CCDC14: variants seen among roughly 807,000 people sequenced by gnomAD.
CCDC14 encodes coiled-coil domain containing 14.
Under a neutral mutation model 81.4 loss-of-function variants are expected in CCDC14, and 71 were observed. The ratio of observed to expected loss-of-function variants is 0.87; its 90% confidence interval spans 0.72 to 1.06. The LOEUF (loss-of-function observed/expected upper bound fraction) is 1.06. Among genes scored for constraint, CCDC14 ranks in the 50% least tolerant of loss-of-function variants. The pLI is 0.00. For missense variants in CCDC14, 1,046 were observed against 1,047.3 expected, an observed-to-expected ratio of 1.00 and a Z score of 0.02; for synonymous variants, 332 against 364.8, an observed-to-expected ratio of 0.91 and a Z score of 1.03.
chr3:123,892,466 G>T (rs902921718), downstream of CCDC14, among the ~76,000 whole-genome samples: 4 of 152,294 alleles, frequency 2.6e-5, no homozygotes, highest in African/African-American at 9.6e-5. Flanking sequence ...CTACAGTGAA[G>T]GTCTCTGAAC....
intron 12 of CCDC14, among the ~76,000 whole-genome samples, chr3:123,918,119 C>T (rs1044352717): frequency 6.6e-6 from 1 of 152,054 alleles, no homozygotes; most frequent in Admixed American, 6.6e-5. Flanking sequence ...AGTAGTCACA[C>T]ACATAAACAT....
rs2034544753 is a variant in CCDC14, at chr3:123,914,447, G to A, written c.*332C>T. ...GAGATTCTTTTCCCATTATTTCTTA[G>A]GACAGCCACAGAACTATTTCAACCT... On this transcript the variant is annotated 3_prime_UTR_variant, in exon 13 of 13. Coordinates refer to ENST00000409697, the MANE Select transcript of CCDC14 (RefSeq NM_001366335.1). 1 of 994,594 alleles carries A rather than the reference G, an allele frequency of 1.0e-6. No individual in the cohort carries two copies. Among genetic ancestry groups the A allele is most frequent in the Admixed American group, 6.1e-5 (1 of 16,506 alleles). The allele number at this position is 994,594 out of a possible 1,614,324, so 61.6% of individuals were successfully genotyped here.
chr3:123,941,696 C>A (rs2036358803), intron 9 of CCDC14, among the ~76,000 whole-genome samples: 1 of 151,938 alleles, frequency 6.6e-6, no homozygotes, highest in Non-Finnish European at 1.5e-5. Context: ...TAATCTTTGT[C>A]CTGTAAAGAC....
rs1418571909 is a variant in CCDC14 at position 123,961,088 on chromosome 3, A to C, written c.30+56T>G. ...GAGTTTTACAAGTTCCTGGCCCGAA[A>C]ACCCCCCTGTCCCTCTCCATCCCCA... On this transcript the variant is annotated intron_variant, in intron 1 of 12. Coordinates refer to ENST00000409697, the MANE Select transcript of CCDC14 (RefSeq NM_001366335.1). The C allele has an allele frequency of 5.6e-6, 8 of 1,434,498 alleles. No individual in the cohort carries two copies. The East Asian group carries it at 1.8e-4, about 31-fold the overall frequency. The allele number at this position is 1,434,498 out of a possible 1,614,324, so 88.9% of individuals were successfully genotyped here. A position where few individuals can be genotyped will look rare whatever the true frequency, so the allele number is the denominator to read the frequency against.
At chr3:123,933,129 C>CAAAAAAA (rs60220911) in intron 10 of CCDC14, among the ~76,000 whole-genome samples, 1 of 150,614 alleles carries the variant, frequency 6.6e-6, no homozygotes. Flanking sequence ...AACAAACAAA[C>CAAAAAAA]AAAGCTGACA....
Position 123,949,114 on chromosome 3 carries a change from T to C in CCDC14, c.371A>G (p.Lys124Arg). The change falls in exon 6 of 13, where the codon AAA becomes AGA. Residue 124 changes from lysine to arginine, a missense_variant. Coordinates refer to ENST00000409697, the MANE Select transcript of CCDC14 (RefSeq NM_001366335.1). ...AGCAGAAGCTTCATTAGGTATCTGT[T>C]TCTTATTATCTGAAGATGCTAATGT... Reference protein sequence around the residue: ...QKETSSSDNKKQIPNEASARS... With the variant: ...QKETSSSDNKRQIPNEASARS... 1 of 1,601,368 alleles carries C rather than the reference T, an allele frequency of 6.2e-7. No individual in the cohort carries two copies. The highest frequency in any genetic ancestry group is 1.7e-5 in the Admixed American group (1 of 58,076).
At chr3:123,917,055 G>A (rs1252158418) in intron 12 of CCDC14, among the ~76,000 whole-genome samples, 1 of 151,548 alleles carries the variant, frequency 6.6e-6, no homozygotes, top group Non-Finnish European at 1.5e-5. Context: ...GTGTTAGCCG[G>A]GATGGTCTCG....
Position 123,961,062 on chromosome 3 carries a change from A to T in CCDC14, c.30+82T>A, listed in dbSNP as rs939178900. 8 of 1,209,234 alleles carry T rather than the reference A, an allele frequency of 6.6e-6. No individual in the cohort carries two copies. The African/African-American group carries it at 1.2e-4, about 19-fold the overall frequency. 74.9% of individuals were successfully genotyped at this position (1,209,234 alleles called of 1,614,324 possible). A position where few individuals can be genotyped will look rare whatever the true frequency, so the allele number is the denominator to read the frequency against. On this transcript the variant is annotated intron_variant, in intron 1 of 12. Transcript: ENST00000409697. Reference sequence around the variant, plus strand: ...GCATTGTCTTTGTCTTTTTTCGAGCAGAGTTTTACAAGTTCCTGGCCCGAA... The same window carrying T: ...GCATTGTCTTTGTCTTTTTTCGAGCTGAGTTTTACAAGTTCCTGGCCCGAA...
downstream of CCDC14, among the ~76,000 whole-genome samples, chr3:123,895,434 C>G (rs1394326331): frequency 6.6e-6 from 1 of 152,210 alleles, no homozygotes; most frequent in Non-Finnish European, 1.5e-5. Flanking sequence ...TGTACTAAAT[C>G]TATCCAGATC....
intron 12 of CCDC14, among the ~76,000 whole-genome samples, chr3:123,925,876 C>T (rs2035331354): frequency 6.6e-6 from 1 of 152,148 alleles, no homozygotes; most frequent in African/African-American, 2.4e-5. Context: ...TATACCAAAA[C>T]ATCACTGTAC....
At chr3:123,939,475 C>G (rs146937803) in intron 9 of CCDC14, among the ~76,000 whole-genome samples, 75 of 134,282 alleles carry the variant, frequency 5.6e-4, no homozygotes, top group African/African-American at 2.0e-3. Flanking sequence ...GAGATAGGGT[C>G]TTGCTCTGTT....
In CCDC14 at chr3:123,947,192, T is replaced by A; in HGVS notation, c.812A>T (p.Asp271Val). The change falls in exon 8 of 13, where the codon GAC (aspartate) becomes GTC (valine). Residue 271 changes from aspartate to valine, a missense_variant. Coordinates refer to ENST00000409697, the MANE Select transcript of CCDC14 (RefSeq NM_001366335.1). ...CTGCAATGTTGGAATAGCTGATATGTCAGTTTTGGGCAGGCTACATGGAAC... is the reference window on the plus strand; with the variant it reads ...CTGCAATGTTGGAATAGCTGATATGACAGTTTTGGGCAGGCTACATGGAAC... Reference protein sequence around the residue: ...PGVPCSLPKTDISAIPTLQQL... With the variant: ...PGVPCSLPKTVISAIPTLQQL... The A allele has an allele frequency of 6.2e-7, 1 of 1,614,002 alleles. No individual in the cohort carries two copies. The highest frequency in any genetic ancestry group is 1.7e-5 in the Admixed American group (1 of 60,006).
chr3:123,917,135 G>A (rs1394222588), intron 12 of CCDC14, among the ~76,000 whole-genome samples: 4 of 148,102 alleles, frequency 2.7e-5, no homozygotes, highest in South Asian at 2.3e-4. Flanking sequence ...GAGCCACCAC[G>A]CCCAGCCTAA....
At chr3:123,920,497 G>A (rs1322000572) in intron 12 of CCDC14, among the ~76,000 whole-genome samples, 1 of 152,136 alleles carries the variant, frequency 6.6e-6, no homozygotes, top group African/African-American at 2.4e-5. Context: ...ATTCAAAGCA[G>A]TGACAGATAA....
At chr3:123,928,143 T>C (rs2035476718) in intron 12 of CCDC14, among the ~76,000 whole-genome samples, 1 of 152,030 alleles carries the variant, frequency 6.6e-6, no homozygotes, top group Non-Finnish European at 1.5e-5. Context: ...CCAATTTTCT[T>C]AGTAAATGCA....
At chr3:123,929,493 G>A (rs1034631589) in intron 12 of CCDC14, among the ~76,000 whole-genome samples, 6 of 151,944 alleles carry the variant, frequency 3.9e-5, no homozygotes, top group African/African-American at 1.5e-4. Context: ...TGTAGAGACA[G>A]GGTTTTGCTG....
At chr3:123,894,811 T>C (rs558581138), downstream of CCDC14, among the ~76,000 whole-genome samples, 2 of 152,354 alleles carry the variant, frequency 1.3e-5, no homozygotes, top group Admixed American at 6.5e-5. Flanking sequence ...TTTCCTATTA[T>C]GTACATTTTA....
chr3:123,907,715 A>G (rs2034347585), intron 5 of CCDC14, among the ~76,000 whole-genome samples: 1 of 150,392 alleles, frequency 6.6e-6, no homozygotes, highest in South Asian at 2.1e-4. Flanking sequence ...TAAAAAAAAT[A>G]TAATAAAAAA....
At chr3:123,945,245 GA>G (rs1356924769) in intron 8 of CCDC14, among the ~76,000 whole-genome samples, 1 of 151,256 alleles carries the variant, frequency 6.6e-6, no homozygotes, top group African/African-American at 2.4e-5. Flanking sequence ...TTACATAAGT[GA>G]TTTTTTTTTT....
Sources: allele counts gnomAD v4.1 joint callset (sites outside exome capture counted in the v4.1 genomes callset), GRCh38; gene constraint gnomAD v4.1.1; transcripts MANE v1.5; gene names NCBI Gene and HGNC (gene_info 2026-07-23, HGNC 2026-07-21).